Variants in NEK1 observed in about 807,000 individuals in gnomAD.
NEK1 encodes the protein NIMA related kinase 1, also known as serine/threonine-protein kinase Nek1.
Under a neutral mutation model 182.1 loss-of-function variants are expected in NEK1, and 137 were observed. The ratio of observed to expected loss-of-function variants is 0.75; its 90% CI spans 0.65 to 0.87. The LOEUF (loss-of-function observed/expected upper bound fraction) is 0.87, where lower values mean the gene tolerates loss of function less well. Ranked by LOEUF, NEK1 falls within the 40% of genes least tolerant of loss-of-function variation. NEK1 has a pLI of 0.00. For synonymous variants in NEK1, 513 were observed against 492.2 expected (o/e 1.04, Z -0.56); for missense variants, 1,391 against 1,494.4 (o/e 0.93, Z 1.14).
intron 29 of NEK1, among the ~76,000 whole-genome samples, chr4:169,429,679 T>C (rs1737063172): frequency 6.6e-6 from 1 of 152,298 alleles, no homozygotes. Context: ...AGGACCCTAG[T>C]TCTCCACTAA....
At chr4:169,589,416 A>G (rs371387075) in intron 7 of NEK1, 31 bp downstream of exon 7, 27 of 1,245,708 alleles carry the variant, frequency 2.2e-5, no homozygotes, top group Admixed American at 1.4e-4. Context: ...TGAAAACATT[A>G]TATCAAAACA....
chr4:169,469,193 T>C (rs1745479692), intron 26 of NEK1, among the ~76,000 whole-genome samples: 2 of 152,174 alleles, frequency 1.3e-5, no homozygotes, highest in Admixed American at 6.5e-5. Context: ...CTTCTCTAGT[T>C]CTTTTAATTG....
At chr4:169,524,383 C>T (rs1056386613) in intron 19 of NEK1, among the ~76,000 whole-genome samples, 6 of 151,104 alleles carry the variant, frequency 4.0e-5, no homozygotes, top group Non-Finnish European at 7.4e-5. Context: ...ATTGCTTGAA[C>T]CCAGGAGGCG....
chr4:169,549,462 G>A (rs1366206009), intron 18 of NEK1, among the ~76,000 whole-genome samples: 2 of 152,086 alleles, frequency 1.3e-5, no homozygotes, highest in African/African-American at 4.8e-5. Context: ...TGCTCTTGTC[G>A]CCAAGGCTGG....
chr4:169,430,828 T>G (rs764546795), intron 29 of NEK1, among the ~76,000 whole-genome samples: 1 of 151,758 alleles, frequency 6.6e-6, no homozygotes, highest in Non-Finnish European at 1.5e-5. Flanking sequence ...AAAATATCAC[T>G]TGTCAGGAAT....
intron 2 of NEK1, among the ~76,000 whole-genome samples, chr4:169,606,350 A>G (rs1027483445): frequency 6.6e-6 from 1 of 151,320 alleles, no homozygotes; most frequent in African/African-American, 2.4e-5. Context: ...AACAGAAGAG[A>G]AGGCAACAGC....
chr4:169,511,122 A>G (rs1402024833), intron 19 of NEK1, among the ~76,000 whole-genome samples: 1 of 152,168 alleles, frequency 6.6e-6, no homozygotes, highest in Non-Finnish European at 1.5e-5. Flanking sequence ...GTCTAGGCAT[A>G]AAAACACCTA....
chr4:169,599,761 G>C (rs904735358), intron 4 of NEK1, among the ~76,000 whole-genome samples: 1 of 152,104 alleles, frequency 6.6e-6, no homozygotes, highest in African/African-American at 2.4e-5. Context: ...AATTGCATAT[G>C]ATTTGTGAAC....
At chr4:169,488,611 T>C (rs1168201786) in intron 23 of NEK1, among the ~76,000 whole-genome samples, 1 of 152,186 alleles carries the variant, frequency 6.6e-6, no homozygotes, top group Non-Finnish European at 1.5e-5. Flanking sequence ...GAAAATATTA[T>C]ACTTTTGAGA....
At chr4:169,543,844 C>T in intron 18 of NEK1, among the ~76,000 whole-genome samples, 1 of 152,138 alleles carries the variant, frequency 6.6e-6, no homozygotes, top group Non-Finnish European at 1.5e-5. Context: ...TATGCTGAGA[C>T]TTTGTTGAAG....
intron 12 of NEK1, among the ~76,000 whole-genome samples, chr4:169,570,057 T>C (rs1258329910): frequency 8.4e-6 from 1 of 119,726 alleles, no homozygotes; most frequent in East Asian, 2.4e-4. Context: ...GAGCGCCTCT[T>C]CCCGGCCGCC....
intron 23 of NEK1, among the ~76,000 whole-genome samples, chr4:169,501,316 T>A (rs899500645): frequency 6.6e-6 from 1 of 152,174 alleles, no homozygotes; most frequent in Non-Finnish European, 1.5e-5. Flanking sequence ...GTGGACACTT[T>A]AACACCCCAC....
Position 169,406,629 on chromosome 4 carries a change from T to C in NEK1, c.3341A>G (p.Asn1114Ser). The change falls in exon 32 of 36, where the codon AAC (asparagine) becomes AGC (serine). Residue 1114 changes from asparagine (N) to serine (S), a missense_variant. Transcript: ENST00000507142. ...NLEIDEIEDE[N>S]IKEGPSDSED... ...AGAATCAGAAGGTCCTTCTTTAATG[T>C]TTTCATCTTCAATTTCATCTATTTC... 1 of 1,606,956 alleles carries C rather than the reference T, an allele frequency of 6.2e-7. No homozygotes were observed.
intron 28 of NEK1, 110 bp downstream of exon 28, chr4:169,437,973 T>G: frequency 3.7e-6 from 3 of 809,014 alleles, no homozygotes; most frequent in Non-Finnish European, 5.4e-6. Context: ...GAACCTAATT[T>G]GAGATAATTA....
chr4:169,453,284 A>G (rs557467025), intron 27 of NEK1, among the ~76,000 whole-genome samples: 9 of 152,336 alleles, frequency 5.9e-5, no homozygotes, highest in African/African-American at 2.2e-4. Flanking sequence ...GCTACCAATG[A>G]CTTTCTTCAC....
At position 169,556,099 on chromosome 4, in the gene NEK1, G is replaced by C. The variant is rs755926472; in HGVS notation, c.1267-4C>G. On this transcript the variant is annotated splice_region_variant and splice_polypyrimidine_tract_variant and intron_variant, in intron 16 of 35. Coordinates refer to ENST00000507142, the MANE Select transcript of NEK1 (RefSeq NM_001199397.3). Reference sequence around the variant, plus strand: ...CTCCACTGCCCAGAAAAGGAGCCTAGGGATTAAACAAAGAGCTCTCACATG... The same window carrying C: ...CTCCACTGCCCAGAAAAGGAGCCTACGGATTAAACAAAGAGCTCTCACATG... 1 of 1,609,432 alleles carries C rather than the reference G, an allele frequency of 6.2e-7. No homozygotes were observed. Among genetic ancestry groups the C allele is most frequent in the Admixed American group, 1.7e-5 (1 of 59,052 alleles).
At chr4:169,546,432 G>A (rs189881501) in intron 18 of NEK1, among the ~76,000 whole-genome samples, 17 of 152,288 alleles carry the variant, frequency 1.1e-4, no homozygotes, top group Admixed American at 2.6e-4. Context: ...TAAATGCTAT[G>A]TGGTGCTGAG....
intron 18 of NEK1, 86 bp downstream of exon 18, chr4:169,555,634 C>T: frequency 6.5e-7 from 1 of 1,539,158 alleles, no homozygotes; most frequent in Non-Finnish European, 9.0e-7. Context: ...ATGGAGAAAA[C>T]ATCCACAAAG....
rs1731500536 is a variant in NEK1, at chr4:169,400,643, C to A, written c.3592G>T (p.Asp1198Tyr). Residue 1198 changes from aspartate to tyrosine, a missense_variant, in exon 34 of 36, where the codon GAT becomes TAT. Asp to Tyr is a radical substitution (Grantham distance 160). Transcript: ENST00000507142. ...TCACATTCACTAGCAATTTCACCAT[C>A]ACTGTTATCTAAAAAACAAAATTAA... ...LNEEWHSDNS[D>Y]GEIASECECD... The A allele has an allele frequency of 6.3e-7, 1 of 1,584,258 alleles. No homozygotes were observed.
Sources: gnomAD v4.1 joint callset for allele counts (sites outside exome capture counted in the v4.1 genomes callset) on GRCh38, gnomAD v4.1.1 for gene constraint, MANE v1.5 for transcripts, NCBI Gene and HGNC (gene_info 2026-07-23, HGNC 2026-07-21) for gene names.